The following PTPRT variants were observed in gnomAD, a reference collection of about 807,000 sequenced individuals.
The protein encoded by PTPRT is receptor-type tyrosine-protein phosphatase T.
A neutral mutation model predicts 176.8 loss-of-function variants in PTPRT; 56 were observed. That is an observed-to-expected ratio of 0.32 (90% CI 0.26 to 0.40). PTPRT has a LOEUF of 0.40. PTPRT is among the 10% of genes least tolerant of loss of function. The pLI is 1.00. For synonymous variants in PTPRT, 783 were observed against 739.0 expected (o/e 1.06, Z -0.96); for missense variants, 1,540 against 1,908.2 (o/e 0.81, Z 3.60).
At chr20:42,275,411 G>A (rs568667510) in intron 13 of PTPRT, among the ~76,000 whole-genome samples, 1 of 152,192 alleles carries the variant, frequency 6.6e-6, no homozygotes, top group Non-Finnish European at 1.5e-5. Context: ...GTCGACTCAG[G>A]TGTCTCTCAG....
chr20:42,327,262 A>T (rs548624837), intron 11 of PTPRT, among the ~76,000 whole-genome samples: 1 of 152,090 alleles, frequency 6.6e-6, no homozygotes, highest in African/African-American at 2.4e-5. Flanking sequence ...CATATGAAAA[A>T]CCACATTATA....
chr20:42,786,760 A>C (rs920130433), intron 3 of PTPRT, among the ~76,000 whole-genome samples: 1 of 152,174 alleles, frequency 6.6e-6, no homozygotes, highest in African/African-American at 2.4e-5. Context: ...TGAAACCTTA[A>C]AGGCTCACTG....
At chr20:42,605,188 G>A (rs6093698) in intron 7 of PTPRT, among the ~76,000 whole-genome samples, 7,846 of 152,264 alleles carry the variant, frequency 0.052, 728 homozygotes, top group African/African-American at 0.18. Context: ...CCCGGAGCAG[G>A]TGAAGGTGGG....
intron 17 of PTPRT, among the ~76,000 whole-genome samples, chr20:42,158,031 T>C (rs1989437079): frequency 6.6e-6 from 1 of 152,060 alleles, no homozygotes; most frequent in African/African-American, 2.4e-5. Context: ...CTTGGAGACT[T>C]CCTAGCCAAG....
At chr20:42,350,777 A>G (rs759995488) in intron 10 of PTPRT, 47 bp from the exon 11 acceptor site, 15 of 1,415,624 alleles carry the variant, frequency 1.1e-5, no homozygotes, top group Non-Finnish European at 1.4e-5. Context: ...CAGATTCCCA[A>G]CTGGCTCCCC....
At chr20:42,366,524 C>T (rs1362252082) in intron 9 of PTPRT, among the ~76,000 whole-genome samples, 1 of 152,216 alleles carries the variant, frequency 6.6e-6, no homozygotes, top group African/African-American at 2.4e-5. Flanking sequence ...ACCACTCTGC[C>T]CTCTCTGTCC....
intron 1 of PTPRT, among the ~76,000 whole-genome samples, chr20:43,140,210 C>T (rs144883600): frequency 1.0e-3 from 155 of 152,146 alleles, no homozygotes; most frequent in African/African-American, 3.3e-3. Flanking sequence ...TTCAATTCAT[C>T]GATCTTGGAT....
intron 2 of PTPRT, among the ~76,000 whole-genome samples, chr20:42,883,897 T>TACAC (rs757354228): frequency 5.7e-4 from 65 of 114,628 alleles, no homozygotes; most frequent in African/African-American, 2.2e-3. Flanking sequence ...TACACCCCCA[T>TACAC]ACACACACAC....
At chr20:42,294,478 T>G (rs538489122) in intron 12 of PTPRT, among the ~76,000 whole-genome samples, 15 of 151,936 alleles carry the variant, frequency 9.9e-5, no homozygotes, top group African/African-American at 7.3e-5. Context: ...CTACACCCAT[T>G]CCCTATGACA....
intron 1 of PTPRT, among the ~76,000 whole-genome samples, chr20:43,050,345 G>A (rs564112792): frequency 6.6e-6 from 1 of 152,308 alleles, no homozygotes; most frequent in Middle Eastern, 3.4e-3. Context: ...AAGAAGACGG[G>A]AAGGGAGCTC....
At chr20:43,034,428 G>T (rs1212924329) in intron 1 of PTPRT, among the ~76,000 whole-genome samples, 2 of 151,910 alleles carry the variant, frequency 1.3e-5, no homozygotes, top group African/African-American at 4.8e-5. Context: ...GGGAATGCCT[G>T]GTGTGGCTAC....
the PTPRT span, among the ~76,000 whole-genome samples, chr20:42,045,427 A>G: frequency 2.0e-5 from 3 of 151,306 alleles, no homozygotes; most frequent in Non-Finnish European, 4.4e-5. Context: ...CGTTGTGATT[A>G]TGCTAATTAA....
At position 42,315,918 on chromosome 20, in the gene PTPRT, C is replaced by T. The variant is rs1163907691; in HGVS notation, c.1944G>A (p.Val648=). ...RAADIIECFS[V]PVSYRNASSL... ...TGGAGGCATTCCGATAGCTCACGGG[C>T]ACCGAAAAGCACTCAATAATGTCAG... The change falls in exon 12 of 31, where the codon GTG becomes GTA. Residue 648 remains valine, a synonymous_variant. Coordinates refer to ENST00000373187, the MANE Select transcript of PTPRT (RefSeq NM_007050.6). 1 of 1,614,030 alleles carries T rather than the reference C, an allele frequency of 6.2e-7. No individual in the cohort carries two copies. Among genetic ancestry groups the T allele is most frequent in the African/African-American group, 1.3e-5 (1 of 74,924 alleles).
intron 27 of PTPRT, among the ~76,000 whole-genome samples, chr20:42,096,536 G>T (rs1186538486): frequency 6.6e-6 from 1 of 152,136 alleles, no homozygotes; most frequent in Non-Finnish European, 1.5e-5. Context: ...CTGGGAGGCG[G>T]AGGTTGCAGT....
chr20:43,083,320 G>GTGTGTGTATATATATATA (rs1299320498), intron 1 of PTPRT, among the ~76,000 whole-genome samples: 1 of 37,386 alleles, frequency 2.7e-5, no homozygotes, highest in African/African-American at 6.6e-5. Context: ...CACTTCAAAT[G>GTGTGTGTATATATATATA]TATATATATA....
chr20:43,170,479 A>G (rs927627524), intron 1 of PTPRT, among the ~76,000 whole-genome samples: 3 of 152,206 alleles, frequency 2.0e-5, no homozygotes, highest in Non-Finnish European at 4.4e-5. Context: ...AACAATGGCT[A>G]TAAGTTCAAG....
At chr20:42,511,748 A>G (rs2071961441) in intron 7 of PTPRT, among the ~76,000 whole-genome samples, 1 of 150,618 alleles carries the variant, frequency 6.6e-6, no homozygotes, top group Non-Finnish European at 1.5e-5. Context: ...TTTTTTTTAG[A>G]TACCAATGTC....
intron 15 of PTPRT, among the ~76,000 whole-genome samples, chr20:42,225,706 G>A (rs75473204): frequency 7.9e-4 from 121 of 152,278 alleles, no homozygotes; most frequent in Non-Finnish European, 1.3e-3. Flanking sequence ...AGGCTGGAGC[G>A]CAGCTGCACG....
intron 8 of PTPRT, among the ~76,000 whole-genome samples, chr20:42,462,841 T>C (rs115781126): frequency 6.6e-6 from 1 of 152,342 alleles, no homozygotes; most frequent in African/African-American, 2.4e-5. Flanking sequence ...CAGACTTTCA[T>C]GTGCTACAGC....
Sources: allele counts gnomAD v4.1 joint callset (sites outside exome capture counted in the v4.1 genomes callset), GRCh38; gene constraint gnomAD v4.1.1; transcripts MANE v1.5; gene names NCBI Gene and HGNC (gene_info 2026-07-23, HGNC 2026-07-21).